HSD17B12: variants seen among roughly 807,000 people sequenced by gnomAD.
HSD17B12 encodes very-long-chain 3-oxoacyl-CoA reductase.
In HSD17B12, 32 loss-of-function variants were observed where a neutral mutation model predicts 39.3. The observed-to-expected ratio is 0.81, with a 90% CI of 0.61 to 1.09. HSD17B12 has a LOEUF of 1.09. Ranked by LOEUF, HSD17B12 falls within the 50% of genes least tolerant of loss-of-function variation. The pLI, the probability that HSD17B12 is intolerant of heterozygous loss-of-function variation, is 0.00. For missense variants in HSD17B12, 342 were observed against 382.9 expected, an observed-to-expected ratio of 0.89 and a Z score of 0.89; for synonymous variants, 150 against 146.7, an observed-to-expected ratio of 1.02 and a Z score of -0.16.
At chr11:43,727,044 G>A (rs1186100019) in intron 1 of HSD17B12, among the ~76,000 whole-genome samples, 1 of 152,138 alleles carries the variant, frequency 6.6e-6, no homozygotes, top group Non-Finnish European at 1.5e-5. Flanking sequence ...TACATAAAGG[G>A]TGAACTTACT....
chr11:43,620,801 G>C, the HSD17B12 span, among the ~76,000 whole-genome samples: 3 of 152,206 alleles, frequency 2.0e-5, no homozygotes, highest in African/African-American at 7.2e-5. Flanking sequence ...TGTTACCTCT[G>C]AGCTGAGCTG....
At chr11:43,578,395 A>G in the HSD17B12 span, among the ~76,000 whole-genome samples, 1 of 152,090 alleles carries the variant, frequency 6.6e-6, no homozygotes, top group African/African-American at 2.4e-5. Context: ...TGGGTGAGTT[A>G]TGTTTAGCTC....
At chr11:43,664,074 C>G in the HSD17B12 span, among the ~76,000 whole-genome samples, 2 of 151,996 alleles carry the variant, frequency 1.3e-5, no homozygotes, top group African/African-American at 4.8e-5. Context: ...GGTCTCAGTA[C>G]TCCTGATGTC....
intron 1 of HSD17B12, among the ~76,000 whole-genome samples, chr11:43,690,398 A>ATTTTTTTTTTT (rs1303064530): frequency 2.2e-4 from 6 of 27,474 alleles, no homozygotes; most frequent in African/African-American, 2.4e-4. Context: ...ATATATATAT[A>ATTTTTTTTTTT]TATATATTTT....
chr11:43,593,280 G>A, the HSD17B12 span, among the ~76,000 whole-genome samples: 2 of 152,090 alleles, frequency 1.3e-5, no homozygotes, highest in Non-Finnish European at 2.9e-5. Context: ...TTTCCTCCAA[G>A]TTTCATTTCA....
At chr11:43,583,681 G>A in the HSD17B12 span, among the ~76,000 whole-genome samples, 2 of 99,988 alleles carry the variant, frequency 2.0e-5, no homozygotes, top group Admixed American at 1.7e-4. Flanking sequence ...AGGGCAAAGT[G>A]GGGGGGGGTG....
chr11:43,805,928 T>C (rs369408464), intron 4 of HSD17B12, among the ~76,000 whole-genome samples: 46 of 152,328 alleles, frequency 3.0e-4, no homozygotes, highest in African/African-American at 1.1e-3. Flanking sequence ...GAGCGATTCA[T>C]GGAACTCAGA....
chr11:43,730,564 T>C (rs573051980), intron 1 of HSD17B12, among the ~76,000 whole-genome samples: 2 of 152,352 alleles, frequency 1.3e-5, no homozygotes, highest in South Asian at 4.1e-4. Flanking sequence ...CTTTCTTTTC[T>C]CACATTTGTT....
At chr11:43,669,299 G>A in the HSD17B12 span, among the ~76,000 whole-genome samples, 48 of 151,904 alleles carry the variant, frequency 3.2e-4, no homozygotes, top group Non-Finnish European at 5.9e-4. Context: ...TCAGGAGTTC[G>A]AGACCAACCT....
the HSD17B12 span, among the ~76,000 whole-genome samples, chr11:43,561,896 T>C: frequency 6.6e-6 from 1 of 152,214 alleles, no homozygotes; most frequent in African/African-American, 2.4e-5. Flanking sequence ...TGACCCATGG[T>C]GGGTGTTTAA....
At chr11:43,722,075 T>TG (rs1008202232) in intron 1 of HSD17B12, among the ~76,000 whole-genome samples, 3 of 152,058 alleles carry the variant, frequency 2.0e-5, no homozygotes, top group African/African-American at 7.2e-5. Flanking sequence ...GATATGGGAA[T>TG]GGGAGGAATT....
chr11:43,733,148 T>C (rs971225615), intron 1 of HSD17B12, among the ~76,000 whole-genome samples: 8 of 152,234 alleles, frequency 5.3e-5, no homozygotes, highest in African/African-American at 1.9e-4. Flanking sequence ...AGGAATCCAC[T>C]CTTTGGAGTA....
At chr11:43,724,769 G>A (rs1950206374) in intron 1 of HSD17B12, among the ~76,000 whole-genome samples, 1 of 152,082 alleles carries the variant, frequency 6.6e-6, no homozygotes, top group Admixed American at 6.6e-5. Flanking sequence ...ATGAATTTTG[G>A]GGGAACACAA....
At chr11:43,594,084 A>G in the HSD17B12 span, among the ~76,000 whole-genome samples, 1 of 152,210 alleles carries the variant, frequency 6.6e-6, no homozygotes, top group Admixed American at 6.5e-5. Context: ...CAAGATTGAA[A>G]GGGGAAACGG....
intron 7 of HSD17B12, chr11:43,837,999 A>C: frequency 3.5e-6 from 1 of 289,574 alleles, no homozygotes; most frequent in Admixed American, 4.7e-5. Context: ...GTAAGTAAAA[A>C]TTCTCAGCAC....
upstream of HSD17B12, among the ~76,000 whole-genome samples, chr11:43,677,692 T>C (rs1475793727): frequency 4.9e-5 from 1 of 20,204 alleles, no homozygotes; most frequent in African/African-American, 6.3e-5. Flanking sequence ...GAACATGTGG[T>C]GTTGGGTTTT....
At chr11:43,765,830 C>T (rs370922773) in intron 3 of HSD17B12, among the ~76,000 whole-genome samples, 1 of 152,094 alleles carries the variant, frequency 6.6e-6, no homozygotes, top group Non-Finnish European at 1.5e-5. Flanking sequence ...AATTTTATAT[C>T]TTCTACACCT....
At chr11:43,634,155 T>TA in the HSD17B12 span, among the ~76,000 whole-genome samples, 3 of 149,336 alleles carry the variant, frequency 2.0e-5, no homozygotes, top group African/African-American at 7.4e-5. Flanking sequence ...AGCATTTCTT[T>TA]AAAAACAGGT....
chr11:43,597,259 T>C, the HSD17B12 span, among the ~76,000 whole-genome samples: 2 of 152,184 alleles, frequency 1.3e-5, no homozygotes, highest in East Asian at 3.8e-4. Context: ...GATAGAAAGA[T>C]CATGAATTAA....
Sources: allele counts gnomAD v4.1 joint callset (sites outside exome capture counted in the v4.1 genomes callset), GRCh38; gene constraint gnomAD v4.1.1; transcripts MANE v1.5; gene names NCBI Gene and HGNC (gene_info 2026-07-23, HGNC 2026-07-21).